The following RAI14 variants were observed in gnomAD, a reference collection of about 807,000 sequenced individuals.
RAI14 encodes retinoic acid induced 14, also known as ankycorbin.
In RAI14, 45 loss-of-function variants were observed where a neutral mutation model predicts 115.4. The ratio of observed to expected loss-of-function variants is 0.39; its 90% confidence interval spans 0.31 to 0.50. The LOEUF (loss-of-function observed/expected upper bound fraction) is 0.50, where lower values mean the gene tolerates loss of function less well. Ranked by LOEUF, RAI14 falls within the 20% of genes least tolerant of loss-of-function variation. The pLI, the probability that RAI14 is intolerant of heterozygous loss-of-function variation, is 0.85. For missense variants in RAI14, 939 were observed against 1,131.2 expected, an observed-to-expected ratio of 0.83 and a Z score of 2.44; for synonymous variants, 371 against 415.4, an observed-to-expected ratio of 0.89 and a Z score of 1.30.
chr5:34,692,039 G>C (rs1738665587), intron 2 of RAI14, among the ~76,000 whole-genome samples: 1 of 152,164 alleles, frequency 6.6e-6, no homozygotes, highest in South Asian at 2.1e-4. Flanking sequence ...AAGGTGGGTG[G>C]ATCACCTGAT....
rs112254668 is a variant in RAI14, at chr5:34,747,884, C to A, written c.37-9584C>A. Among the ~76,000 whole-genome samples the A allele has an allele frequency of 6.5e-3, 997 of 152,274 alleles. 10 individuals are homozygous for A. The highest frequency in any genetic ancestry group is 0.023 in the African/African-American group (952 of 41,554). On this transcript the variant is annotated intron_variant, in intron 2 of 17. Transcript: ENST00000265109. Reference sequence around the variant, plus strand: ...AGACAGATGCTAGCCATTGCCCATGCCCTGGAAGTCTAGTCCAGTGGAAGG... The same window carrying A: ...AGACAGATGCTAGCCATTGCCCATGACCTGGAAGTCTAGTCCAGTGGAAGG...
At chr5:34,657,751 A>G (rs757128096) in intron 1 of RAI14, among the ~76,000 whole-genome samples, 7 of 152,200 alleles carry the variant, frequency 4.6e-5, no homozygotes, top group African/African-American at 7.2e-5. Context: ...CATCACTAGG[A>G]CATAGCCGAA....
chr5:34,687,768 AG>A, intron 2 of RAI14: 1 of 1,536,170 alleles, frequency 6.5e-7, no homozygotes, highest in East Asian at 2.4e-5. Context: ...ATTTCAGGCG[AG>A]GTAATTAAAG....
intron 2 of RAI14, among the ~76,000 whole-genome samples, chr5:34,693,733 G>A (rs924115251): frequency 2.0e-5 from 3 of 152,158 alleles, no homozygotes; most frequent in African/African-American, 7.2e-5. Context: ...CGCAGCACAC[G>A]CTTGCTAACA....
rs1371023215 is a variant in RAI14 at position 34,831,287 on chromosome 5, T to C, written c.*522T>C. 1.3e-5 allele frequency: 2 copies of C among 153,058 alleles called. No individual in the cohort carries two copies. Among genetic ancestry groups the C allele is most frequent in the Admixed American group, 1.3e-4 (2 of 15,334 alleles). The allele number at this position is 153,058 out of a possible 1,614,324, so 9.5% of individuals were successfully genotyped here. Reference sequence around the variant, plus strand: ...CCCTTCATCATGATATCCTGTGGATTTAAAAACTCTAATTCCATGTTTTCT... The same window carrying C: ...CCCTTCATCATGATATCCTGTGGATCTAAAAACTCTAATTCCATGTTTTCT... On this transcript the variant is annotated 3_prime_UTR_variant, in exon 18 of 18. Coordinates refer to ENST00000265109, the MANE Select transcript of RAI14 (RefSeq NM_015577.3).
chr5:34,685,346 G>C (rs531119789), intron 1 of RAI14, among the ~76,000 whole-genome samples: 8 of 152,270 alleles, frequency 5.3e-5, no homozygotes, highest in Middle Eastern at 3.4e-3. Flanking sequence ...TCCAAGTGAA[G>C]TAACTCAGGA....
chr5:34,799,541 A>AC (rs1753993297), intron 4 of RAI14, among the ~76,000 whole-genome samples: 2 of 122,854 alleles, frequency 1.6e-5, no homozygotes, highest in Non-Finnish European at 3.8e-5. Flanking sequence ...CACACACACA[A>AC]AACCACCTTT....
At chr5:34,687,870 A>G in intron 2 of RAI14, 1 of 1,092,994 alleles carries the variant, frequency 9.1e-7, no homozygotes, top group African/African-American at 1.6e-5. Flanking sequence ...TGTGTCTTTT[A>G]TGGCTGATAT....
chr5:34,711,100 C>G (rs565531709), intron 2 of RAI14, among the ~76,000 whole-genome samples: 2 of 152,066 alleles, frequency 1.3e-5, no homozygotes, highest in African/African-American at 4.8e-5. Context: ...AGAGATGAGG[C>G]CTTTGGGAAG....
chr5:34,662,397 C>T (rs1198819898), intron 1 of RAI14, among the ~76,000 whole-genome samples: 1 of 152,140 alleles, frequency 6.6e-6, no homozygotes, highest in Non-Finnish European at 1.5e-5. Context: ...ATTTTTTCTA[C>T]CTTGCATGAT....
chr5:34,759,114 T>C (rs1032543847), intron 3 of RAI14, among the ~76,000 whole-genome samples: 1 of 151,968 alleles, frequency 6.6e-6, no homozygotes, highest in Admixed American at 6.6e-5. Flanking sequence ...AATAGAAAAA[T>C]TAGCCAGGTA....
At chr5:34,694,532 G>T (rs1438880630) in intron 2 of RAI14, among the ~76,000 whole-genome samples, 1 of 152,166 alleles carries the variant, frequency 6.6e-6, no homozygotes, top group African/African-American at 2.4e-5. Flanking sequence ...TGGTCAACTT[G>T]ATTATTCAAC....
rs144285290 is a variant in RAI14 at position 34,712,798 on chromosome 5, T to G, written c.36+25843T>G. ...TTTATTACAGGACTTCTCAGTGCCTTTAACGTATTAATGTACATTGTGAGT... is the reference window on the plus strand; with the variant it reads ...TTTATTACAGGACTTCTCAGTGCCTGTAACGTATTAATGTACATTGTGAGT... On this transcript the variant is annotated intron_variant, in intron 2 of 17. Transcript: ENST00000265109. Among the ~76,000 whole-genome samples, 1,023 of 152,282 alleles carry G rather than the reference T, an allele frequency of 6.7e-3. 6 individuals are homozygous for G. Among genetic ancestry groups the G allele is most frequent in the Middle Eastern group, 0.027 (8 of 294 alleles).
chr5:34,755,255 C>T (rs1313732220), intron 2 of RAI14, among the ~76,000 whole-genome samples: 2 of 152,120 alleles, frequency 1.3e-5, no homozygotes, highest in African/African-American at 4.8e-5. Flanking sequence ...TGTTTCCCTT[C>T]AACAGGAAGC....
At chr5:34,743,719 C>G (rs765543909) in intron 2 of RAI14, among the ~76,000 whole-genome samples, 34 of 152,208 alleles carry the variant, frequency 2.2e-4, no homozygotes, top group Admixed American at 3.9e-4. Context: ...TTGAGATACC[C>G]TGGGCCTGGG....
rs1260713628 is a variant in RAI14 at position 34,827,843 on chromosome 5, A to G, written c.2799+1364A>G. On this transcript the variant is annotated intron_variant, in intron 16 of 17. Transcript: ENST00000265109. The surrounding 1 kb of genome is among the most constrained non-coding windows in gnomAD (Gnocchi z 4.2). ...TGAGTAAGACTCAGTCCCTGCCCTCAAGGAGTTTATACTCTATATAAGTTA... is the reference window on the plus strand; with the variant it reads ...TGAGTAAGACTCAGTCCCTGCCCTCGAGGAGTTTATACTCTATATAAGTTA... Among the ~76,000 whole-genome samples the G allele has an allele frequency of 6.6e-6, 1 of 152,188 alleles. No homozygotes were observed. Among genetic ancestry groups the G allele is most frequent in the African/African-American group, 2.4e-5 (1 of 41,440 alleles).
intron 16 of RAI14, among the ~76,000 whole-genome samples, chr5:34,826,968 G>A (rs895765409): frequency 2.0e-5 from 3 of 152,096 alleles, no homozygotes; most frequent in African/African-American, 7.2e-5. Context: ...CACAAATTTG[G>A]TTTAAAACAA....
chr5:34,818,975 G>C (rs1375152325), intron 13 of RAI14, 124 bp downstream of exon 13: 14 of 801,848 alleles, frequency 1.7e-5, no homozygotes, highest in Non-Finnish European at 2.8e-5. Context: ...TGTCCACACA[G>C]AGCTGCCAGT....
At chr5:34,784,888 A>G (rs1364953347) in intron 3 of RAI14, among the ~76,000 whole-genome samples, 1 of 152,236 alleles carries the variant, frequency 6.6e-6, no homozygotes, top group Non-Finnish European at 1.5e-5. Context: ...GTCGTATCCA[A>G]TTAATGTCCC....
Sources: allele counts gnomAD v4.1 joint callset (sites outside exome capture counted in the v4.1 genomes callset), GRCh38; gene constraint gnomAD v4.1.1; non-coding constraint Gnocchi (gnomAD v3.1); transcripts MANE v1.5; gene names NCBI Gene and HGNC (gene_info 2026-07-23, HGNC 2026-07-21).